Variants in TARS1 observed in about 807,000 individuals in gnomAD.
TARS1 encodes threonyl-tRNA synthetase 1.
TARS1 carries 57 observed loss-of-function variants against 97.7 expected under a neutral mutation model. That is an observed-to-expected ratio of 0.58 (90% CI 0.47 to 0.73). The LOEUF is 0.73. TARS1 is among the 30% of genes least tolerant of loss of function. The probability of loss-of-function intolerance (pLI) is 0.00; values close to 1 mark genes in which losing one functional copy is unlikely to be tolerated. For synonymous variants in TARS1, 312 were observed against 293.7 expected, an observed-to-expected ratio of 1.06 and a Z score of -0.64; for missense variants, 806 against 888.3, an observed-to-expected ratio of 0.91 and a Z score of 1.18.
At chr5:33,449,329 G>A (rs1414492743) in intron 3 of TARS1, among the ~76,000 whole-genome samples, 17 of 105,530 alleles carry the variant, frequency 1.6e-4, no homozygotes, top group South Asian at 7.6e-4. Context: ...ATATATATAC[G>A]CGTATATATA....
intron 2 of TARS1, among the ~76,000 whole-genome samples, chr5:33,445,628 A>G (rs1199957297): frequency 1.3e-5 from 2 of 152,248 alleles, no homozygotes; most frequent in Non-Finnish European, 2.9e-5. Flanking sequence ...ATGATTGTAT[A>G]AGATGATCTG....
At chr5:33,443,290 A>G (rs1579572323) in intron 1 of TARS1, among the ~76,000 whole-genome samples, 1 of 128,536 alleles carries the variant, frequency 7.8e-6, no homozygotes, top group African/African-American at 3.1e-5. Context: ...GAACCAGAAA[A>G]CCTTTGTGGT....
chr5:33,460,318 C>T (rs1742231362), intron 11 of TARS1, among the ~76,000 whole-genome samples: 1 of 152,168 alleles, frequency 6.6e-6, no homozygotes, highest in Non-Finnish European at 1.5e-5. Context: ...GGGATCATAG[C>T]AATGACCAAG....
chr5:33,456,959 G>T (rs1418604683), intron 8 of TARS1, among the ~76,000 whole-genome samples: 2 of 152,094 alleles, frequency 1.3e-5, no homozygotes, highest in Admixed American at 6.6e-5. Context: ...ACCATGCCTG[G>T]GTAATTTTCT....
At chr5:33,453,824 A>G (rs1413770129) in intron 4 of TARS1, among the ~76,000 whole-genome samples, 1 of 151,652 alleles carries the variant, frequency 6.6e-6, no homozygotes, top group African/African-American at 2.4e-5. Context: ...GGTTCAAGCT[A>G]TTCTCCTGCC....
At chr5:33,451,519 C>T (rs1481813264) in intron 3 of TARS1, among the ~76,000 whole-genome samples, 6 of 151,982 alleles carry the variant, frequency 3.9e-5, no homozygotes, top group Admixed American at 1.3e-4. Flanking sequence ...GGATTACAGG[C>T]GCCCGCCACC....
At chr5:33,445,843 C>T (rs548703742) in intron 2 of TARS1, among the ~76,000 whole-genome samples, 1 of 152,170 alleles carries the variant, frequency 6.6e-6, no homozygotes, top group Non-Finnish European at 1.5e-5. Context: ...TCCATCTGGA[C>T]CTGCCCTAGG....
intron 1 of TARS1, among the ~76,000 whole-genome samples, chr5:33,444,167 A>C (rs1401836112): frequency 2.0e-5 from 3 of 152,176 alleles, no homozygotes; most frequent in Non-Finnish European, 4.4e-5. Context: ...AAGACCACAT[A>C]ATGTGTGATT....
intron 12 of TARS1, 45 bp from the exon 13 acceptor site, chr5:33,461,113 C>A: frequency 6.2e-7 from 1 of 1,605,416 alleles, no homozygotes; most frequent in South Asian, 1.1e-5. Flanking sequence ...TCAAGAAAGT[C>A]AAGGAAAATA....
Position 33,440,987 on chromosome 5 carries a change from G to T in TARS1, c.-100G>T, listed in dbSNP as rs1302882792. The T allele has an allele frequency of 1.3e-6, 2 of 1,494,808 alleles. No homozygotes were observed. Among genetic ancestry groups the T allele is most frequent in the Non-Finnish European group, 1.8e-6 (2 of 1,082,610 alleles). The allele number at this position is 1,494,808 out of a possible 1,614,324, so 92.6% of individuals were successfully genotyped here. A position where few individuals can be genotyped will look rare whatever the true frequency, so the allele number is the denominator to read the frequency against. ...TTCGATTGCATCAGCTGGTCCAGCC[G>T]AGGCCAAGTCCCGGGCGCTAGCCCA... is the stretch of plus-strand genomic sequence containing the variant. On this transcript the variant is annotated 5_prime_UTR_variant, in exon 1 of 19. Coordinates refer to ENST00000265112, the MANE Select transcript of TARS1 (RefSeq NM_152295.5).
Position 33,460,952 on chromosome 5 carries a change from T to C in TARS1, c.1301T>C (p.Leu434Pro). The C allele has an allele frequency of 6.2e-7, 1 of 1,614,196 alleles. No homozygotes were observed. The highest frequency in any genetic ancestry group is 8.5e-7 in the Non-Finnish European group (1 of 1,180,032). ...PRSWRELPLR[L>P]ADFGVLHRNE... ...TCCTGGCGAGAACTGCCTCTGCGGC[T>C]AGCTGATTTTGGGGTACTTCATAGG... Residue 434 changes from leucine to proline, a missense_variant, in exon 12 of 19, where the codon CTA (leucine) becomes CCA (proline). Leu to Pro is a moderately conservative substitution (Grantham distance 98). Coordinates refer to ENST00000265112, the MANE Select transcript of TARS1 (RefSeq NM_152295.5).
chr5:33,455,112 A>T, intron 5 of TARS1, 46 bp downstream of exon 5: 6 of 1,606,694 alleles, frequency 3.7e-6, no homozygotes, highest in Non-Finnish European at 5.1e-6. Flanking sequence ...ATGACTATGG[A>T]TCCATAAGTT....
intron 4 of TARS1, among the ~76,000 whole-genome samples, chr5:33,453,716 A>G (rs957918777): frequency 2.0e-5 from 3 of 151,514 alleles, no homozygotes; most frequent in African/African-American, 7.3e-5. Flanking sequence ...ACACTATTTT[A>G]TTTTAATTTT....
chr5:33,461,708 G>A lies in TARS1; in HGVS notation c.1593G>A (p.Glu531=), dbSNP rs200719574. Residue 531 remains glutamate, a synonymous_variant, in exon 14 of 19, where the codon GAG becomes GAA. Transcript: ENST00000265112. ...NSLNEFGEKW[E]LNSGDGAFYG... is the part of the protein sequence containing the mutation. ...TGAATGAATTTGGTGAAAAGTGGGA[G>A]TTAAACTCTGGAGATGGAGCTTTCT... 5 of 1,614,002 alleles carry A rather than the reference G, an allele frequency of 3.1e-6. No homozygotes were observed. The highest frequency in any genetic ancestry group is 1.7e-5 in the Admixed American group (1 of 60,008).
At chr5:33,462,508 A>G (rs1000068110) in intron 16 of TARS1, among the ~76,000 whole-genome samples, 6 of 152,182 alleles carry the variant, frequency 3.9e-5, no homozygotes, top group Admixed American at 3.3e-4. Flanking sequence ...ATGCTTTTCT[A>G]GTAACTTTGT....
chr5:33,441,003 C>A lies in TARS1; in HGVS notation c.-84C>A. 7 of 1,565,186 alleles carry A rather than the reference C, an allele frequency of 4.5e-6. No individual in the cohort carries two copies. Among genetic ancestry groups the A allele is most frequent in the Non-Finnish European group, 6.1e-6 (7 of 1,140,032 alleles). ...GGTCCAGCCGAGGCCAAGTCCCGGG[C>A]GCTAGCCCACCTCCCACCCGCCTCT... On this transcript the variant is annotated 5_prime_UTR_variant, in exon 1 of 19. Transcript: ENST00000265112.
chr5:33,446,755 G>A, intron 2 of TARS1: 1 of 1,288,376 alleles, frequency 7.8e-7, no homozygotes, highest in South Asian at 1.2e-5. Context: ...AGATACAGAG[G>A]GTGGTGCAGG....
chr5:33,443,490 T>TTG (rs1191144917), intron 1 of TARS1, among the ~76,000 whole-genome samples: 1 of 150,120 alleles, frequency 6.7e-6, no homozygotes, highest in Admixed American at 6.6e-5. Context: ...TTTTTTTTTT[T>TTG]TTGTTGTCGT....
Position 33,458,559 on chromosome 5 carries a change from T to G in TARS1, c.985-7T>G. 1 of 1,608,194 alleles carries G rather than the reference T, an allele frequency of 6.2e-7. No homozygotes were observed. The highest frequency in any genetic ancestry group is 8.5e-7 in the Non-Finnish European group (1 of 1,178,214). ...CATAAACATTCTTTTGCTTTTCTTT[T>G]ACCCAGGACCAAGAACTATATTTCT... is the stretch of plus-strand genomic sequence containing the variant. On this transcript the variant is annotated splice_polypyrimidine_tract_variant and splice_region_variant and intron_variant, in intron 9 of 18. Coordinates refer to ENST00000265112, the MANE Select transcript of TARS1 (RefSeq NM_152295.5).
Sources: gnomAD v4.1 joint callset for allele counts (sites outside exome capture counted in the v4.1 genomes callset) on GRCh38, gnomAD v4.1.1 for gene constraint, MANE v1.5 for transcripts, NCBI Gene and HGNC (gene_info 2026-07-23, HGNC 2026-07-21) for gene names.